Variants in TSEN2 observed in about 807,000 individuals in gnomAD.
TSEN2 encodes the protein tRNA splicing endonuclease subunit 2.
A neutral mutation model predicts 59.2 loss-of-function variants in TSEN2; 54 were observed. That is an observed-to-expected ratio of 0.91 (90% CI 0.73 to 1.14). The LOEUF (loss-of-function observed/expected upper bound fraction) is 1.14, where lower values mean the gene tolerates loss of function less well. Ranked by LOEUF, TSEN2 falls within the 50% of genes most tolerant of loss-of-function variation. TSEN2 has a pLI of 0.00. For synonymous variants in TSEN2, 195 were observed against 198.2 expected (o/e 0.98, Z 0.14); for missense variants, 636 against 576.2 (o/e 1.10, Z -1.06).
At chr3:12,497,294 C>T (rs1312199720) in intron 4 of TSEN2, among the ~76,000 whole-genome samples, 1 of 152,240 alleles carries the variant, frequency 6.6e-6, no homozygotes, top group African/African-American at 2.4e-5. Context: ...CCCTGTGATA[C>T]AGTACAGCTC....
chr3:12,481,108 C>T (rs2052188244), upstream of TSEN2, among the ~76,000 whole-genome samples: 1 of 152,152 alleles, frequency 6.6e-6, no homozygotes, highest in African/African-American at 2.4e-5. Context: ...ATGTGAGGCA[C>T]CCAGATTAAC....
chr3:12,522,089 T>C (rs1411930319), intron 8 of TSEN2, among the ~76,000 whole-genome samples: 2 of 152,184 alleles, frequency 1.3e-5, no homozygotes, highest in Non-Finnish European at 2.9e-5. Context: ...TTCATTATAG[T>C]GTATTGTTAT....
intron 5 of TSEN2, among the ~76,000 whole-genome samples, chr3:12,504,827 T>C (rs1040232174): frequency 1.3e-5 from 2 of 152,072 alleles, no homozygotes; most frequent in African/African-American, 2.4e-5. Context: ...AAGACCAGCC[T>C]GGGCAACTCT....
In TSEN2 at chr3:12,529,493, G is replaced by A. The variant is rs374816319; in HGVS notation, c.1137-269G>A. Among the ~76,000 whole-genome samples, 14 of 146,330 alleles carry A rather than the reference G, an allele frequency of 9.6e-5. No homozygotes were observed. The South Asian group carries it at 2.8e-3, about 29-fold the overall frequency. On this transcript the variant is annotated intron_variant, in intron 9 of 11. Coordinates refer to ENST00000284995, the MANE Select transcript of TSEN2 (RefSeq NM_025265.4). ...AAAAAAAAAAAAAAAAAATTAGTTA[G>A]TATTAGTGCCTAAACAGTTGTGTGA...
chr3:12,503,509 C>G lies in TSEN2; in HGVS notation c.556C>G (p.Pro186Ala). 1 of 1,614,076 alleles carries G rather than the reference C, an allele frequency of 6.2e-7. No individual in the cohort carries two copies. Among genetic ancestry groups the G allele is most frequent in the Non-Finnish European group, 8.5e-7 (1 of 1,179,936 alleles). Residue 186 changes from proline to alanine, a missense_variant, in exon 5 of 12, where the codon CCC (proline) becomes GCC (alanine). Physicochemically the swap from Pro to Ala is conservative, Grantham distance 27. Transcript: ENST00000284995. ...TGGAAAGTCAGGTGGTGTGGGTGAT[C>G]CCCGTGAGCCATTAGGCTGCCTGCA... ...DSGKSGGVGD[P>A]REPLGCLQEG...
chr3:12,514,810 C>G (rs2055882909), intron 6 of TSEN2: 1 of 152,084 alleles, frequency 6.6e-6, no homozygotes, highest in South Asian at 2.1e-4. Flanking sequence ...ATATTAAAAA[C>G]AACAACAACA....
At chr3:12,487,412 G>A (rs1575203507) in intron 1 of TSEN2, among the ~76,000 whole-genome samples, 1 of 152,310 alleles carries the variant, frequency 6.6e-6, no homozygotes, top group Non-Finnish European at 1.5e-5. Flanking sequence ...AGGGAAAAAC[G>A]CTGAACAAAT....
chr3:12,483,328 T>C (rs2052275580), upstream of TSEN2, among the ~76,000 whole-genome samples: 1 of 152,074 alleles, frequency 6.6e-6, no homozygotes, highest in Non-Finnish European at 1.5e-5. Context: ...GTGAGGTAAG[T>C]GAGCTGAGAT....
chr3:12,518,552 A>G, intron 7 of TSEN2, among the ~76,000 whole-genome samples: 1 of 152,206 alleles, frequency 6.6e-6, no homozygotes, highest in South Asian at 2.1e-4. Context: ...AAGGACAGTG[A>G]GAGCCTCAGA....
chr3:12,503,720 A>AGTAC lies in TSEN2; in HGVS notation c.770_773dup (p.Leu259ArgfsTer19). The AGTAC allele has an allele frequency of 1.2e-6, 2 of 1,614,060 alleles. No homozygotes were observed. The highest frequency in any genetic ancestry group is 1.1e-5 in the South Asian group (1 of 91,072). On this transcript the variant is annotated frameshift_variant, in exon 5 of 12. Transcript: ENST00000284995. LOFTEE classifies it high-confidence loss of function. ...CCTGGGGACAGAGGGCCTGACCATGAGTACGTGCTGGTCGAGGAAGCGGAG... is the reference window on the plus strand; with the variant it reads ...CCTGGGGACAGAGGGCCTGACCATGAGTACGTACGTGCTGGTCGAGGAAGCGGAG...
intron 1 of TSEN2, 34 bp from the exon 2 acceptor site, chr3:12,489,750 C>A (rs2053017437): frequency 6.3e-7 from 1 of 1,577,630 alleles, no homozygotes; most frequent in Admixed American, 1.7e-5. Context: ...TATTGATTGT[C>A]TGTTTCTTTC....
downstream of TSEN2, among the ~76,000 whole-genome samples, chr3:12,537,586 CCAGTTTCTGCA>C: frequency 6.6e-6 from 1 of 152,160 alleles, no homozygotes; most frequent in African/African-American, 2.4e-5. Context: ...AAGTATTGAC[CCAGTTTCTGCA>C]CATACTAGGT....
chr3:12,485,513 C>T (rs2052523441), intron 1 of TSEN2, among the ~76,000 whole-genome samples: 1 of 152,110 alleles, frequency 6.6e-6, no homozygotes, highest in African/African-American at 2.4e-5. Context: ...TCTTTACCTC[C>T]GGGGGCTACT....
Position 12,530,263 on chromosome 3 carries a change from A to T in TSEN2, c.1248+390A>T, listed in dbSNP as rs577309227. On this transcript the variant is annotated intron_variant, in intron 10 of 11. Transcript: ENST00000284995. ...GAGTCAAAACATTGAAAGTTTGCAGATCTCTTAGAGAGGAAGGGACTTGAT... is the reference window on the plus strand; with the variant it reads ...GAGTCAAAACATTGAAAGTTTGCAGTTCTCTTAGAGAGGAAGGGACTTGAT... The T allele has an allele frequency of 3.0e-6, 3 of 1,007,646 alleles. No individual in the cohort carries two copies. The South Asian group carries it at 1.3e-4, about 44-fold the overall frequency. 62.4% of individuals were successfully genotyped at this position (1,007,646 alleles called of 1,614,324 possible). A position where few individuals can be genotyped will look rare whatever the true frequency, so the allele number is the denominator to read the frequency against.
chr3:12,534,430 G>T (rs2057621453), downstream of TSEN2, among the ~76,000 whole-genome samples: 1 of 152,128 alleles, frequency 6.6e-6, no homozygotes, highest in African/African-American at 2.4e-5. Flanking sequence ...GTGGTGGTGT[G>T]CCTTGGGCAG....
At position 12,492,182 on chromosome 3, in the gene TSEN2, C is replaced by T. The variant is rs1162580079; in HGVS notation, c.236C>T (p.Thr79Ile). 1 of 1,614,152 alleles carries T rather than the reference C, an allele frequency of 6.2e-7. No individual in the cohort carries two copies. The change falls in exon 3 of 12, where the codon ACA becomes ATA. Residue 79 changes from threonine (T) to isoleucine (I), a missense_variant. Coordinates refer to ENST00000284995, the MANE Select transcript of TSEN2 (RefSeq NM_025265.4). ...GILSRSRPSF[T>I]ISDPKLVAKW... ...CTTTCAAGAAGCCGTCCAAGCTTCACAATTTCAGATCCTAAACTGGTTGCT... is the reference window on the plus strand; with the variant it reads ...CTTTCAAGAAGCCGTCCAAGCTTCATAATTTCAGATCCTAAACTGGTTGCT...
intron 1 of TSEN2, among the ~76,000 whole-genome samples, chr3:12,487,760 C>T (rs550478452): frequency 6.6e-6 from 1 of 152,324 alleles, no homozygotes; most frequent in South Asian, 2.1e-4. Flanking sequence ...AAAGCCTAGT[C>T]TAAATATGCT....
upstream of TSEN2, among the ~76,000 whole-genome samples, chr3:12,481,031 C>A (rs1010521799): frequency 6.6e-6 from 1 of 152,194 alleles, no homozygotes; most frequent in Non-Finnish European, 1.5e-5. Flanking sequence ...TAAATAAGAT[C>A]ATGGATGCAA....
At chr3:12,496,791 T>C (rs1414797610) in intron 4 of TSEN2, among the ~76,000 whole-genome samples, 4 of 152,216 alleles carry the variant, frequency 2.6e-5, no homozygotes, top group Non-Finnish European at 5.9e-5. Flanking sequence ...CTTTCCAAAT[T>C]ATGAATAACT....
Sources: gnomAD v4.1 joint callset for allele counts (sites outside exome capture counted in the v4.1 genomes callset) on GRCh38, gnomAD v4.1.1 for gene constraint, MANE v1.5 for transcripts, NCBI Gene and HGNC (gene_info 2026-07-23, HGNC 2026-07-21) for gene names.